Variants in ITSN2 observed in about 807,000 individuals in gnomAD.
The protein encoded by ITSN2 is intersectin-2.
Under a neutral mutation model 243.7 loss-of-function variants are expected in ITSN2, and 156 were observed. That is an observed-to-expected ratio of 0.64 (90% CI 0.56 to 0.73). ITSN2 has a LOEUF of 0.73. Among genes scored for constraint, ITSN2 ranks in the 30% least tolerant of loss-of-function variants. ITSN2 has a pLI of 0.00. For missense variants in ITSN2, 1,801 were observed against 1,996.1 expected, an observed-to-expected ratio of 0.90 and a Z score of 1.86; for synonymous variants, 703 against 699.9, an observed-to-expected ratio of 1.00 and a Z score of -0.07.
chr2:24,282,380 C>A (rs990647116), intron 17 of ITSN2, among the ~76,000 whole-genome samples: 1 of 152,224 alleles, frequency 6.6e-6, no homozygotes, highest in Non-Finnish European at 1.5e-5. Flanking sequence ...AACCGTCTCC[C>A]TTCTGGCTCC....
In ITSN2 at chr2:24,211,174, C is replaced by T. The variant is rs1669461102; in HGVS notation, c.4090-227G>A. On this transcript the variant is annotated intron_variant, in intron 33 of 39. Coordinates refer to ENST00000355123, the MANE Select transcript of ITSN2 (RefSeq NM_006277.3). This position sits in a 1 kb window ranked among gnomAD's most constrained non-coding sequence, Gnocchi z 4.1. ...GCTGTGACAAGGTGACAGTGCTAAA[C>T]GGATCAAGTGCTCTGAACTGTGTGG... Among the ~76,000 whole-genome samples, 1 of 152,214 alleles carries T rather than the reference C, an allele frequency of 6.6e-6. No individual in the cohort carries two copies. Among genetic ancestry groups the T allele is most frequent in the East Asian group, 1.9e-4 (1 of 5,196 alleles).
At position 24,246,114 on chromosome 2, in the gene ITSN2, T is replaced by C. The variant is rs1188972558; in HGVS notation, c.3577+15A>G. The C allele has an allele frequency of 6.3e-7, 1 of 1,578,966 alleles. No individual in the cohort carries two copies. The highest frequency in any genetic ancestry group is 8.7e-7 in the Non-Finnish European group (1 of 1,155,628). ...TTCACACTAGGTGAGAGAAAAATAA[T>C]TTAATATTACTCACACTGTTGACTT... On this transcript the variant is annotated intron_variant, in intron 29 of 39. Coordinates refer to ENST00000355123, the MANE Select transcript of ITSN2 (RefSeq NM_006277.3).
At chr2:24,334,289 C>T (rs1209076184) in intron 1 of ITSN2, among the ~76,000 whole-genome samples, 2 of 152,070 alleles carry the variant, frequency 1.3e-5, no homozygotes, top group African/African-American at 4.8e-5. Context: ...GAACTCCTGA[C>T]CTCACGTGAT....
intron 1 of ITSN2, chr2:24,330,476 C>G (rs1685657260): frequency 7.5e-6 from 5 of 666,516 alleles, no homozygotes; most frequent in Non-Finnish European, 1.4e-5. Context: ...AGAGAAGACC[C>G]ATGAGGTTGT....
At position 24,208,394 on chromosome 2, in the gene ITSN2, C is replaced by T. The variant is rs527527590; in HGVS notation, c.4596-75G>A. On this transcript the variant is annotated intron_variant, in intron 36 of 39. Transcript: ENST00000355123. ...CAGCGTGGAGCCCCAGAGCTCTGCA[C>T]ATGTTCTTCAGTCTTTTGCTAACCT... 14 of 1,076,414 alleles carry T rather than the reference C, an allele frequency of 1.3e-5. No homozygotes were observed. In the East Asian group the frequency reaches 2.4e-4, roughly 18 times the overall value. The allele number at this position is 1,076,414 out of a possible 1,614,324, so 66.7% of individuals were successfully genotyped here. A position where few individuals can be genotyped will look rare whatever the true frequency, so the allele number is the denominator to read the frequency against.
At position 24,301,143 on chromosome 2, in the gene ITSN2, C is replaced by T; in HGVS notation, c.1081+11G>A. 1 of 1,498,008 alleles carries T rather than the reference C, an allele frequency of 6.7e-7. No individual in the cohort carries two copies. Among genetic ancestry groups the T allele is most frequent in the South Asian group, 1.2e-5 (1 of 84,688 alleles). The allele number at this position is 1,498,008 out of a possible 1,614,324, so 92.8% of individuals were successfully genotyped here. A position where few individuals can be genotyped will look rare whatever the true frequency, so the allele number is the denominator to read the frequency against. On this transcript the variant is annotated intron_variant, in intron 11 of 39. Transcript: ENST00000355123. The stretch of plus-strand genomic sequence containing the variant: ...TCAGTATAAATATACAACTTTGACA[C>T]TCAGTGATACCTGGTAATTTCTTCT...
chr2:24,210,971 C>T (rs747583161), intron 33 of ITSN2, 24 bp from the exon 34 acceptor site: 14 of 1,611,700 alleles, frequency 8.7e-6, no homozygotes, highest in Non-Finnish European at 1.1e-5. Flanking sequence ...GGCAGTGTCA[C>T]ATGGGGGAGC....
rs749381614 is a variant in ITSN2, at chr2:24,248,688, C to G, written c.3229G>C (p.Gly1077Arg). ...TTCTTTAGAATTAATATTAACTGTC[C>G]TGGTGCAAGGCTAAGTTGTTCAGAA... ...SGSEQLSLAP[G>R]QLILILKKNT... Residue 1077 changes from glycine (G) to arginine (R), a missense_variant, in exon 27 of 40, where the codon GGA becomes CGA. Coordinates refer to ENST00000355123, the MANE Select transcript of ITSN2 (RefSeq NM_006277.3). 1 of 1,612,874 alleles carries G rather than the reference C, an allele frequency of 6.2e-7. No homozygotes were observed. The highest frequency in any genetic ancestry group is 2.2e-5 in the East Asian group (1 of 44,772).
At chr2:24,353,635 G>A (rs553854897) in intron 1 of ITSN2, among the ~76,000 whole-genome samples, 68 of 152,204 alleles carry the variant, frequency 4.5e-4, no homozygotes, top group Non-Finnish European at 5.9e-5. Flanking sequence ...GGCTAGCAAA[G>A]GTGAATTAAA....
In ITSN2 at chr2:24,203,803, G is replaced by A. The variant is rs1277811602; in HGVS notation, c.4937-20C>T. ...GGAAATCTGGTGAATAAACACAGGA[G>A]AGTCAGAAGTCTTTCTTCTTTATAA... On this transcript the variant is annotated intron_variant, in intron 39 of 39. Transcript: ENST00000355123. 2 of 1,600,678 alleles carry A rather than the reference G, an allele frequency of 1.2e-6. No homozygotes were observed. Among genetic ancestry groups the A allele is most frequent in the African/African-American group, 2.7e-5 (2 of 74,220 alleles).
chr2:24,234,551 A>T (rs1018958631), intron 29 of ITSN2, among the ~76,000 whole-genome samples: 1 of 152,214 alleles, frequency 6.6e-6, no homozygotes, highest in African/African-American at 2.4e-5. Context: ...TGGTCAAGAG[A>T]ATGAGAAGAC....
chr2:24,296,391 C>T (rs1680963081), intron 13 of ITSN2, among the ~76,000 whole-genome samples: 1 of 152,054 alleles, frequency 6.6e-6, no homozygotes, highest in South Asian at 2.1e-4. Context: ...CTGTGTCCCC[C>T]AAAATTCATA....
rs371550465 is a variant in ITSN2, at chr2:24,311,094, TTC to T, written c.353-404_353-403del. 1.9e-3 allele frequency among the ~76,000 whole-genome samples: 279 copies of T among 150,576 alleles called. 2 individuals are homozygous for T. The highest frequency in any genetic ancestry group is 6.6e-3 in the African/African-American group (266 of 40,498). The stretch of plus-strand genomic sequence containing the variant: ...ACACACACACACACACACATTCTTC[TTC>T]TCTCTCTCTCTCACATACTCCCCCC... On this transcript the variant is annotated intron_variant, in intron 5 of 39. Coordinates refer to ENST00000355123, the MANE Select transcript of ITSN2 (RefSeq NM_006277.3).
rs1553355845 is a variant in ITSN2 at position 24,251,309 on chromosome 2, C to CAAAAAAAAAAAAAAAAAAAAAA, written c.3120+1035_3120+1036insTTTTTTTTTTTTTTTTTTTTTT. On this transcript the variant is annotated intron_variant, in intron 25 of 39. Transcript: ENST00000355123. Reference sequence around the variant, plus strand: ...TGGGCAACAGAACTAAACTCCATCTCAAAAAAAAAAAAAAATAAAATATAT... The same window carrying CAAAAAAAAAAAAAAAAAAAAAA: ...TGGGCAACAGAACTAAACTCCATCTCAAAAAAAAAAAAAAAAAAAAAAAAAAAAAAAAAAAAATAAAATATAT... Among the ~76,000 whole-genome samples, 6 of 22,016 alleles carry CAAAAAAAAAAAAAAAAAAAAAA rather than the reference C, an allele frequency of 2.7e-4. 3 individuals are homozygous for CAAAAAAAAAAAAAAAAAAAAAA. The highest frequency in any genetic ancestry group is 4.4e-4 in the Non-Finnish European group (6 of 13,750). The allele number at this position is 22,016 out of a possible 152,430, so 14.4% of individuals were successfully genotyped here.
intron 1 of ITSN2, among the ~76,000 whole-genome samples, chr2:24,347,482 T>A (rs1296124814): frequency 6.6e-6 from 1 of 151,848 alleles, no homozygotes; most frequent in Non-Finnish European, 1.5e-5. Flanking sequence ...AGGTCGGGAG[T>A]TCGAGACCAG....
intron 15 of ITSN2, among the ~76,000 whole-genome samples, chr2:24,287,326 G>A (rs1366601857): frequency 6.6e-6 from 1 of 152,068 alleles, no homozygotes; most frequent in African/African-American, 2.4e-5. Context: ...GGTATGGGTA[G>A]ATGTTGGTCT....
intron 25 of ITSN2, 98 bp downstream of exon 25, chr2:24,252,247 C>T: frequency 1.1e-6 from 1 of 905,124 alleles, no homozygotes; most frequent in Admixed American, 2.4e-5. Flanking sequence ...AAGTATAAAT[C>T]TTGATTAACA....
intron 26 of ITSN2, 35 bp downstream of exon 26, chr2:24,248,802 C>A: frequency 6.2e-7 from 1 of 1,613,316 alleles, no homozygotes; most frequent in Non-Finnish European, 8.5e-7. Context: ...AGAGCAAACA[C>A]GTTAGTAATT....
intron 2 of ITSN2, among the ~76,000 whole-genome samples, chr2:24,316,006 G>GT (rs1480053046): frequency 3.3e-5 from 5 of 152,174 alleles, no homozygotes; most frequent in African/African-American, 9.7e-5. Context: ...AACAGGAAAG[G>GT]TAACACTGAG....
Sources: gnomAD v4.1 joint callset for allele counts (sites outside exome capture counted in the v4.1 genomes callset) on GRCh38, gnomAD v4.1.1 for gene constraint, Gnocchi (gnomAD v3.1) non-coding constraint, MANE v1.5 for transcripts, NCBI Gene and HGNC (gene_info 2026-07-23, HGNC 2026-07-21) for gene names.